The following TSPAN33 variants were observed in gnomAD, a reference collection of about 807,000 sequenced individuals.
TSPAN33 encodes the protein tetraspanin-33.
Under a neutral mutation model 34.8 loss-of-function variants are expected in TSPAN33, and 27 were observed. That is an observed-to-expected ratio of 0.78 (90% CI 0.57 to 1.07). TSPAN33 has a LOEUF of 1.07. Ranked by LOEUF, TSPAN33 falls within the 50% of genes least tolerant of loss-of-function variation. TSPAN33 has a pLI of 0.00. For synonymous variants in TSPAN33, 119 were observed against 124.2 expected (o/e 0.96, Z 0.28); for missense variants, 272 against 324.9 (o/e 0.84, Z 1.25).
rs755628108 is a variant in TSPAN33, at chr7:129,164,527, TG to T, written c.418del (p.Asp140ThrfsTer59). The stretch of plus-strand genomic sequence containing the variant: ...ACAATGCCATTGTGCACTACCGAGA[TG>T]ACTTGGATCTGCAGAACCTCATTGA... The part of the protein sequence containing the change: ...INNAIVHYRD[D>X]LDLQNLIDFG... On this transcript the variant is annotated frameshift_variant, in exon 5 of 8. Transcript: ENST00000486685. LOFTEE classifies it high-confidence loss of function. 1 of 1,613,950 alleles carries T rather than the reference TG, an allele frequency of 6.2e-7. No homozygotes were observed. Among genetic ancestry groups the T allele is most frequent in the Non-Finnish European group, 8.5e-7 (1 of 1,179,958 alleles).
At chr7:129,158,128 C>A (rs765325997) in intron 1 of TSPAN33, among the ~76,000 whole-genome samples, 1 of 152,194 alleles carries the variant, frequency 6.6e-6, no homozygotes, top group Non-Finnish European at 1.5e-5. Flanking sequence ...TCACCGTCTC[C>A]TTCTCTGACT....
chr7:129,145,767 GA>G lies in TSPAN33; in HGVS notation c.102+690del, dbSNP rs1011295011. 9.6e-4 allele frequency among the ~76,000 whole-genome samples: 146 copies of G among 151,506 alleles called. 1 individual carries two copies. Among genetic ancestry groups the G allele is most frequent in the Non-Finnish European group, 3.4e-4 (23 of 67,904 alleles). ...CTTTCAGAATCTTCTGCTTGGGGTG[GA>G]AAAAGTATTGGGCTGGGACTCCGGA... On this transcript the variant is annotated intron_variant, in intron 1 of 7. Coordinates refer to ENST00000486685, the MANE Select transcript of TSPAN33 (RefSeq NM_178562.5).
intron 6 of TSPAN33, 72 bp downstream of exon 6, chr7:129,166,978 C>A: frequency 1.3e-6 from 2 of 1,541,266 alleles, no homozygotes; most frequent in Non-Finnish European, 1.8e-6. Flanking sequence ...GCAGCTGCTA[C>A]TGGGGATCCC....
chr7:129,149,600 AG>A lies in TSPAN33; in HGVS notation c.102+4520del, dbSNP rs1014602826. Among the ~76,000 whole-genome samples the A allele has an allele frequency of 1.1e-3, 160 of 152,356 alleles. 1 individual carries two copies. The highest frequency in any genetic ancestry group is 3.7e-3 in the African/African-American group (153 of 41,580). ...CATAGAGTGCCTCTCAGATCTTTTTAGGAGGCTAGTGCTGGGCCAGTCCCTC... is the reference window on the plus strand; with the variant it reads ...CATAGAGTGCCTCTCAGATCTTTTTAGAGGCTAGTGCTGGGCCAGTCCCTC... On this transcript the variant is annotated intron_variant, in intron 1 of 7. Coordinates refer to ENST00000486685, the MANE Select transcript of TSPAN33 (RefSeq NM_178562.5).
chr7:129,164,349 A>T, intron 4 of TSPAN33, 125 bp from the exon 5 acceptor site: 1 of 827,500 alleles, frequency 1.2e-6, no homozygotes, highest in Non-Finnish European at 2.0e-6. Context: ...CACCATTAGG[A>T]CTCGGTTCTG....
At chr7:129,163,510 G>A (rs1793086542) in intron 4 of TSPAN33, among the ~76,000 whole-genome samples, 1 of 152,052 alleles carries the variant, frequency 6.6e-6, no homozygotes, top group Non-Finnish European at 1.5e-5. Flanking sequence ...TTTGAACAAT[G>A]CTTGCCATAT....
intron 5 of TSPAN33, among the ~76,000 whole-genome samples, chr7:129,166,275 A>T (rs1288149378): frequency 6.6e-6 from 1 of 152,142 alleles, no homozygotes; most frequent in Non-Finnish European, 1.5e-5. Context: ...TGCTTCTGAG[A>T]CAAGTCCTGA....
chr7:129,164,544 A>G lies in TSPAN33; in HGVS notation c.434A>G (p.Asn145Ser). 6.2e-7 allele frequency: 1 copy of G among 1,613,854 alleles called. No homozygotes were observed. Among genetic ancestry groups the G allele is most frequent in the Non-Finnish European group, 8.5e-7 (1 of 1,179,922 alleles). Residue 145 changes from asparagine to serine, a missense_variant, in exon 5 of 8, where the codon AAC (asparagine) becomes AGC (serine). Transcript: ENST00000486685. ...TACCGAGATGACTTGGATCTGCAGA[A>G]CCTCATTGATTTTGGCCAGAAAAAG... ...VHYRDDLDLQ[N>S]LIDFGQKKFS...
chr7:129,146,054 C>G (rs1208787081), intron 1 of TSPAN33, among the ~76,000 whole-genome samples: 1 of 152,104 alleles, frequency 6.6e-6, no homozygotes, highest in Non-Finnish European at 1.5e-5. Context: ...ACCTCCTCTT[C>G]TGGCTCCTAC....
chr7:129,145,164 G>C lies in TSPAN33; in HGVS notation c.102+82G>C, dbSNP rs1005283202. On this transcript the variant is annotated intron_variant, in intron 1 of 7. Coordinates refer to ENST00000486685, the MANE Select transcript of TSPAN33 (RefSeq NM_178562.5). ...GTGGCCCGGGGTGCCCCACGCGCGG[G>C]AGCCGCACTGCCGAGTTTTCTGGGC... 3.1e-5 allele frequency: 17 copies of C among 548,366 alleles called. No homozygotes were observed. In the African/African-American group the frequency reaches 3.2e-4, roughly 10 times the overall value. The allele number at this position is 548,366 out of a possible 1,614,324, so 34.0% of individuals were successfully genotyped here.
chr7:129,162,547 A>G, intron 3 of TSPAN33, 26 bp downstream of exon 3: 4 of 1,609,124 alleles, frequency 2.5e-6, no homozygotes, highest in Non-Finnish European at 3.4e-6. Context: ...CCCACTGGAA[A>G]GACCCTGGCC....
chr7:129,167,007 ATCAG>A lies in TSPAN33; in HGVS notation c.588+105_588+108del. The A allele has an allele frequency of 7.1e-7, 1 of 1,406,726 alleles. No homozygotes were observed. Among genetic ancestry groups the A allele is most frequent in the South Asian group, 1.3e-5 (1 of 75,642 alleles). 87.1% of individuals were successfully genotyped at this position (1,406,726 alleles called of 1,614,324 possible). ...GGATCCCCATCCCCTAGCTTCACCG[ATCAG>A]TCATGTGGGACAGCTGTCAGGTGTT... On this transcript the variant is annotated intron_variant, in intron 6 of 7. Coordinates refer to ENST00000486685, the MANE Select transcript of TSPAN33 (RefSeq NM_178562.5). The surrounding 1 kb of genome is among the most constrained non-coding windows in gnomAD (Gnocchi z 4.6).
chr7:129,164,595 G>C (rs1273897591), intron 5 of TSPAN33, 26 bp downstream of exon 5: 5 of 1,599,964 alleles, frequency 3.1e-6, no homozygotes, highest in African/African-American at 1.3e-5. Context: ...TGGTCTGGGG[G>C]ACTGTGGGTA....
intron 1 of TSPAN33, among the ~76,000 whole-genome samples, chr7:129,151,806 A>G (rs1810599194): frequency 1.3e-5 from 2 of 152,156 alleles, no homozygotes; most frequent in South Asian, 4.1e-4. Context: ...GAAACAATTT[A>G]TTTAGAGTAT....
intron 2 of TSPAN33, 53 bp downstream of exon 2, chr7:129,161,789 C>T: frequency 1.2e-6 from 2 of 1,608,600 alleles, no homozygotes; most frequent in Non-Finnish European, 1.7e-6. Flanking sequence ...CCCCTTTCCC[C>T]TCTGCCTCCT....
At chr7:129,160,292 T>C (rs1268510809) in intron 1 of TSPAN33, among the ~76,000 whole-genome samples, 1 of 152,202 alleles carries the variant, frequency 6.6e-6, no homozygotes, top group Non-Finnish European at 1.5e-5. Context: ...GCTTTCCGTC[T>C]TGCAGGACAG....
intron 1 of TSPAN33, among the ~76,000 whole-genome samples, chr7:129,145,910 G>A (rs540322145): frequency 6.6e-6 from 1 of 152,100 alleles, no homozygotes; most frequent in East Asian, 1.9e-4. Flanking sequence ...GTGTGATCAG[G>A]GGTGGCAGAA....
chr7:129,150,919 CAAAG>C (rs1276046821), intron 1 of TSPAN33, among the ~76,000 whole-genome samples: 1 of 151,844 alleles, frequency 6.6e-6, no homozygotes. Context: ...AAACCAAAAA[CAAAG>C]GAAGAAAATC....
intron 2 of TSPAN33, 105 bp downstream of exon 2, chr7:129,161,841 C>A: frequency 2.1e-6 from 3 of 1,443,926 alleles, no homozygotes; most frequent in African/African-American, 1.4e-5. Context: ...CTAAAGGAGG[C>A]AGCCTCCCTG....
Sources: allele counts gnomAD v4.1 joint callset (sites outside exome capture counted in the v4.1 genomes callset), GRCh38; gene constraint gnomAD v4.1.1; non-coding constraint Gnocchi (gnomAD v3.1); transcripts MANE v1.5; gene names NCBI Gene and HGNC (gene_info 2026-07-23, HGNC 2026-07-21).